GSK3B: variants seen among roughly 807,000 people sequenced by gnomAD.
GSK3B encodes glycogen synthase kinase-3 beta.
A neutral mutation model predicts 56.4 loss-of-function variants in GSK3B; 15 were observed. That is an observed-to-expected ratio of 0.27 (90% CI 0.18 to 0.41). The LOEUF (loss-of-function observed/expected upper bound fraction) is 0.41, where lower values mean the gene tolerates loss of function less well. GSK3B is among the 10% of genes least tolerant of loss of function. The pLI, the probability that GSK3B is intolerant of heterozygous loss-of-function variation, is 1.00. For synonymous variants in GSK3B, 181 were observed against 188.9 expected, an observed-to-expected ratio of 0.96 and a Z score of 0.34; for missense variants, 300 against 513.4, an observed-to-expected ratio of 0.58 and a Z score of 4.02.
rs190220580 is a variant in GSK3B at position 119,854,789 on chromosome 3, G to A, written c.1096+8630C>T. On this transcript the variant is annotated intron_variant, in intron 9 of 10. Transcript: ENST00000264235. ...TACCCCCTTTATCATTTTTTATTGC[G>A]TCTATTCGATTCTTCTCTCTTTTCT... 3.8e-3 allele frequency among the ~76,000 whole-genome samples: 573 copies of A among 152,044 alleles called. 1 individual carries two copies. Among genetic ancestry groups the A allele is most frequent in the African/African-American group, 0.013 (542 of 41,494 alleles).
chr3:120,031,142 T>C (rs1275860673), intron 1 of GSK3B, among the ~76,000 whole-genome samples: 1 of 152,230 alleles, frequency 6.6e-6, no homozygotes, highest in Non-Finnish European at 1.5e-5. Flanking sequence ...AAGTATTTAA[T>C]GGTAGGTCTA....
At position 119,865,958 on chromosome 3, in the gene GSK3B, C is replaced by A. The variant is rs558268624; in HGVS notation, c.910-2353G>T. Among the ~76,000 whole-genome samples the A allele has an allele frequency of 9.9e-5, 15 of 152,112 alleles. No individual in the cohort carries two copies. In the South Asian group the frequency reaches 1.2e-3, roughly 13 times the overall value. ...AGCCTACATTAAAATCAAGATTTAA[C>A]CTGCCTTTACAAAAACTATACACTG... On this transcript the variant is annotated intron_variant, in intron 8 of 10. Transcript: ENST00000264235.
intron 1 of GSK3B, among the ~76,000 whole-genome samples, chr3:120,015,388 C>T (rs1284634715): frequency 6.6e-6 from 1 of 152,104 alleles, no homozygotes; most frequent in Admixed American, 6.5e-5. Context: ...CAGTGGCTCA[C>T]GCCTGTAATC....
At chr3:120,037,244 T>G (rs1257467654) in intron 1 of GSK3B, among the ~76,000 whole-genome samples, 1 of 152,242 alleles carries the variant, frequency 6.6e-6, no homozygotes, top group Non-Finnish European at 1.5e-5. Context: ...AAAACAGATA[T>G]GCATTTCGCT....
At chr3:119,915,999 G>C in intron 5 of GSK3B, 45 bp downstream of exon 5, 1 of 1,356,994 alleles carries the variant, frequency 7.4e-7, no homozygotes, top group Non-Finnish European at 1.0e-6. Flanking sequence ...ATAGTAGGGG[G>C]AGGAGGGGAA....
chr3:120,089,521 T>C (rs1362241865), intron 1 of GSK3B, among the ~76,000 whole-genome samples: 1 of 152,222 alleles, frequency 6.6e-6, no homozygotes, highest in Non-Finnish European at 1.5e-5. Context: ...TCTTTGGCTT[T>C]AATCACCATA....
chr3:120,047,671 C>G (rs2058114853), intron 1 of GSK3B, among the ~76,000 whole-genome samples: 1 of 152,160 alleles, frequency 6.6e-6, no homozygotes, highest in Non-Finnish European at 1.5e-5. Context: ...AAGCACTATG[C>G]TGAGCAATGG....
chr3:119,975,877 T>C (rs953212199), intron 2 of GSK3B, among the ~76,000 whole-genome samples: 2 of 152,194 alleles, frequency 1.3e-5, no homozygotes, highest in South Asian at 4.1e-4. Context: ...ATATGGCAAT[T>C]CTCTGTACTT....
intron 10 of GSK3B, chr3:119,832,900 T>C: frequency 1.4e-6 from 1 of 725,854 alleles, no homozygotes; most frequent in Non-Finnish European, 1.7e-6. Flanking sequence ...TGTAAAATTC[T>C]ATATCTGGTA....
At chr3:120,024,754 T>A (rs1423470336) in intron 1 of GSK3B, among the ~76,000 whole-genome samples, 1 of 151,930 alleles carries the variant, frequency 6.6e-6, no homozygotes, top group Admixed American at 6.6e-5. Flanking sequence ...TCAGGGTAGG[T>A]CCCTCCGAAA....
At chr3:119,980,926 G>A (rs543803886) in intron 2 of GSK3B, among the ~76,000 whole-genome samples, 12 of 152,258 alleles carry the variant, frequency 7.9e-5, no homozygotes, top group African/African-American at 2.9e-4. Context: ...GAAAGTTGAG[G>A]CATGTCAAGG....
rs1227330369 is a variant in GSK3B, at chr3:119,826,507, G to A, written c.*281C>T. ...AGACTTTTAATAAAAAAAGATTGTC[G>A]TGGGAGAGAGATTGTATGTTCTAGT... On this transcript the variant is annotated 3_prime_UTR_variant, in exon 11 of 11. Coordinates refer to ENST00000264235, the MANE Select transcript of GSK3B (RefSeq NM_001146156.2). 2.2e-5 allele frequency: 12 copies of A among 547,450 alleles called. No individual in the cohort carries two copies. Among genetic ancestry groups the A allele is most frequent in the South Asian group, 1.4e-4 (7 of 49,322 alleles). The allele number at this position is 547,450 out of a possible 1,614,324, so 33.9% of individuals were successfully genotyped here.
intron 3 of GSK3B, among the ~76,000 whole-genome samples, chr3:119,942,520 G>A (rs536431533): frequency 7.2e-4 from 110 of 152,150 alleles, no homozygotes; most frequent in African/African-American, 2.5e-3. Flanking sequence ...AGCTGGTCTC[G>A]ATTCAACCGC....
rs142570552 is a variant in GSK3B, at chr3:120,031,408, T to TGGGTCCAGGAAGCA, written c.89-29183_89-29170dup. On this transcript the variant is annotated intron_variant, in intron 1 of 10. Coordinates refer to ENST00000264235, the MANE Select transcript of GSK3B (RefSeq NM_001146156.2). ...AGTACTAATAATACAAACTTGAGTC[T>TGGGTCCAGGAAGCA]GGGTCCAGGAAGCAGGGCCCTGGAA... 6.9e-3 allele frequency among the ~76,000 whole-genome samples: 1,055 copies of TGGGTCCAGGAAGCA among 152,298 alleles called. 5 individuals are homozygous for TGGGTCCAGGAAGCA. Among genetic ancestry groups the TGGGTCCAGGAAGCA allele is most frequent in the Non-Finnish European group, 0.011 (762 of 68,028 alleles).
intron 1 of GSK3B, among the ~76,000 whole-genome samples, chr3:120,060,811 T>C (rs1441926647): frequency 1.3e-5 from 2 of 152,154 alleles, no homozygotes; most frequent in African/African-American, 2.4e-5. Flanking sequence ...AAACAATAAA[T>C]ATGAGTTACT....
At chr3:120,034,226 G>A (rs1323803865) in intron 1 of GSK3B, among the ~76,000 whole-genome samples, 1 of 152,100 alleles carries the variant, frequency 6.6e-6, no homozygotes, top group Non-Finnish European at 1.5e-5. Context: ...TTTTGATAAT[G>A]TTCAAGGTAT....
chr3:119,921,288 T>C (rs1174547572), intron 4 of GSK3B, among the ~76,000 whole-genome samples: 2 of 152,208 alleles, frequency 1.3e-5, no homozygotes, highest in East Asian at 3.8e-4. Context: ...GGAAAATCTC[T>C]CTTTATGAAA....
At chr3:120,043,784 C>A (rs185358249) in intron 1 of GSK3B, among the ~76,000 whole-genome samples, 1 of 152,204 alleles carries the variant, frequency 6.6e-6, no homozygotes, top group Admixed American at 6.5e-5. Context: ...AGCACTTTTA[C>A]GGCTTAAGAG....
chr3:120,037,673 C>T (rs555126500), intron 1 of GSK3B, among the ~76,000 whole-genome samples: 1 of 151,682 alleles, frequency 6.6e-6, no homozygotes, highest in African/African-American at 2.4e-5. Context: ...TACCATCTTA[C>T]ACATCAAACC....
Sources: gnomAD v4.1 joint callset for allele counts (sites outside exome capture counted in the v4.1 genomes callset) on GRCh38, gnomAD v4.1.1 for gene constraint, MANE v1.5 for transcripts, NCBI Gene and HGNC (gene_info 2026-07-23, HGNC 2026-07-21) for gene names.